Variants in PRSS23 observed in about 807,000 individuals in gnomAD.
The protein encoded by PRSS23 is protease, serine 23.
A neutral mutation model predicts 34.7 loss-of-function variants in PRSS23; 25 were observed. That is an observed-to-expected ratio of 0.72 (90% CI 0.53 to 1.01). The LOEUF is 1.01. PRSS23 is among the 50% of genes least tolerant of loss of function. The pLI is 0.00. For missense variants in PRSS23, 445 were observed against 475.6 expected (o/e 0.94, Z 0.60); for synonymous variants, 176 against 186.6 (o/e 0.94, Z 0.46).
intron 2 of PRSS23, among the ~76,000 whole-genome samples, chr11:86,841,317 C>G (rs1354472863): frequency 1.1e-5 from 1 of 87,552 alleles, no homozygotes; most frequent in Admixed American, 1.7e-4. Flanking sequence ...CCAGCCTGGG[C>G]AACAAGAGGG....
At chr11:86,821,372 G>C (rs1948250429) in intron 1 of PRSS23, 3 of 1,054,722 alleles carry the variant, frequency 2.8e-6, no homozygotes, top group Admixed American at 2.0e-5. Context: ...TTTTGCTACG[G>C]ATTACTTCTT....
chr11:86,939,426 A>ATATATATATATATATATATTTTTT, intron 2 of PRSS23, among the ~76,000 whole-genome samples: 7 of 94,068 alleles, frequency 7.4e-5, no homozygotes, highest in Non-Finnish European at 1.6e-4. Context: ...ATATATATAT[A>ATATATATATATATATATATTTTTT]TTTTTTAACA....
At position 86,879,258 on chromosome 11, in the gene PRSS23, G is replaced by A. The variant is rs1394162835; in HGVS notation, c.206+55665G>A. 1.5e-3 allele frequency among the ~76,000 whole-genome samples: 222 copies of A among 148,394 alleles called. 2 individuals carry two copies. Among genetic ancestry groups the A allele is most frequent in the African/African-American group, 5.4e-3 (217 of 39,940 alleles). On this transcript the variant is annotated intron_variant, in intron 2 of 2. Coordinates refer to the PRSS23 transcript ENST00000533902. ...CCGCCCCGTCTGGGATGTGAGGAGCGCCTCTACCCAGCTGCGACCCCGTCT... is the reference window on the plus strand; with the variant it reads ...CCGCCCCGTCTGGGATGTGAGGAGCACCTCTACCCAGCTGCGACCCCGTCT...
At chr11:86,852,760 G>A (rs943444468) in intron 2 of PRSS23, among the ~76,000 whole-genome samples, 1 of 151,808 alleles carries the variant, frequency 6.6e-6, no homozygotes, top group Non-Finnish European at 1.5e-5. Flanking sequence ...CCTCTCTCTC[G>A]CCCACCCCTG....
At chr11:86,918,181 A>G (rs541642681) in intron 2 of PRSS23, among the ~76,000 whole-genome samples, 1 of 150,540 alleles carries the variant, frequency 6.6e-6, no homozygotes, top group Non-Finnish European at 1.5e-5. Context: ...AGGAAATAAA[A>G]TAAAGCTATT....
chr11:86,800,473 G>T, upstream of PRSS23: 4 of 984,102 alleles, frequency 4.1e-6, no homozygotes, highest in Non-Finnish European at 4.8e-6. Context: ...GCCGGAGGCG[G>T]GGCGGGCGGG....
downstream of PRSS23, among the ~76,000 whole-genome samples, chr11:86,813,774 A>T (rs184361942): frequency 3.9e-5 from 6 of 152,322 alleles, no homozygotes; most frequent in Admixed American, 3.9e-4. Flanking sequence ...GGCCCACAAA[A>T]ATCAAAATGC....
intron 2 of PRSS23, among the ~76,000 whole-genome samples, chr11:86,839,133 T>C (rs187133942): frequency 9.2e-5 from 14 of 151,624 alleles, no homozygotes; most frequent in African/African-American, 3.4e-4. Context: ...CAAAACTGGA[T>C]GGAGAATGAG....
At chr11:86,795,394 C>A (rs1947974783) in intron 1 of PRSS23, among the ~76,000 whole-genome samples, 1 of 152,224 alleles carries the variant, frequency 6.6e-6, no homozygotes, top group African/African-American at 2.4e-5. Context: ...GGTCACGTAA[C>A]TTGCCCACAT....
At chr11:86,907,785 C>T (rs868409811) in intron 2 of PRSS23, among the ~76,000 whole-genome samples, 3 of 152,218 alleles carry the variant, frequency 2.0e-5, no homozygotes, top group African/African-American at 7.2e-5. Context: ...TGCATAGTGC[C>T]GTCGTTTTAA....
rs753521872 is a variant in PRSS23 at position 86,807,939 on chromosome 11, C to T, written c.296C>T (p.Thr99Met). ...TATGCCAATGGCAGCCGCACAGAGA[C>T]GCAGGTGGGCATCTACATCCTCAGC... ...TLYANGSRTE[T>M]QVGIYILSSS... The change falls in exon 2 of 2, where the codon ACG (threonine) becomes ATG (methionine). Residue 99 changes from threonine (T) to methionine (M), a missense_variant. By Grantham distance (81) the Thr-to-Met change is moderately conservative. Coordinates refer to ENST00000280258, the MANE Select transcript of PRSS23 (RefSeq NM_007173.6). 93 of 1,613,998 alleles carry T rather than the reference C, an allele frequency of 5.8e-5. No homozygotes were observed. The highest frequency in any genetic ancestry group is 6.9e-5 in the Non-Finnish European group (82 of 1,180,042).
chr11:86,825,698 T>A (rs1359710214), intron 2 of PRSS23, among the ~76,000 whole-genome samples: 4 of 152,120 alleles, frequency 2.6e-5, no homozygotes, highest in African/African-American at 4.8e-5. Context: ...TTTCTACATA[T>A]GACTAGCCAG....
intron 2 of PRSS23, chr11:86,892,400 G>A (rs1948847720): frequency 1.3e-5 from 2 of 152,230 alleles, no homozygotes; most frequent in African/African-American, 4.8e-5. Flanking sequence ...AGAATTGAAT[G>A]AGATTGGGCG....
At chr11:86,849,749 A>G (rs1948515132) in intron 2 of PRSS23, among the ~76,000 whole-genome samples, 1 of 152,124 alleles carries the variant, frequency 6.6e-6, no homozygotes, top group African/African-American at 2.4e-5. Context: ...TAACCCCTAT[A>G]TGCTGCTCTC....
intron 2 of PRSS23, among the ~76,000 whole-genome samples, chr11:86,844,315 G>T (rs1022524094): frequency 4.6e-5 from 7 of 152,098 alleles, no homozygotes; most frequent in African/African-American, 1.7e-4. Context: ...TAATGTAAAT[G>T]TTGAGTTGAT....
chr11:86,803,385 G>A (rs1475871436), intron 1 of PRSS23, among the ~76,000 whole-genome samples: 1 of 152,164 alleles, frequency 6.6e-6, no homozygotes, highest in Non-Finnish European at 1.5e-5. Context: ...CATTACATCT[G>A]TTTATACCTT....
At chr11:86,859,315 G>A (rs1055395640) in intron 2 of PRSS23, among the ~76,000 whole-genome samples, 10 of 151,964 alleles carry the variant, frequency 6.6e-5, no homozygotes, top group African/African-American at 2.4e-4. Flanking sequence ...CGCAGAGGGT[G>A]TACACACTTC....
Position 86,951,795 on chromosome 11 carries a change from C to T in PRSS23, c.*510C>T, listed in dbSNP as rs878853344. 6.2e-7 allele frequency: 1 copy of T among 1,614,056 alleles called. No homozygotes were observed. Among genetic ancestry groups the T allele is most frequent in the Non-Finnish European group, 8.5e-7 (1 of 1,179,996 alleles). On this transcript the variant is annotated 3_prime_UTR_variant, in exon 3 of 3. Transcript: ENST00000533902. The stretch of plus-strand genomic sequence containing the variant: ...AAAAACCAAGTGAGTGTCAGAATAA[C>T]CCACCAAATGGAGCTGGCCATTCCA...
At chr11:86,849,777 C>CAGA (rs763849970) in intron 2 of PRSS23, among the ~76,000 whole-genome samples, 4 of 152,084 alleles carry the variant, frequency 2.6e-5, no homozygotes, top group Admixed American at 6.6e-5. Context: ...CCAGAGGAAG[C>CAGA]AGAATAGTTC....
Sources: allele counts gnomAD v4.1 joint callset (sites outside exome capture counted in the v4.1 genomes callset), GRCh38; gene constraint gnomAD v4.1.1; transcripts MANE v1.5; gene names NCBI Gene and HGNC (gene_info 2026-07-23, HGNC 2026-07-21).